CSRNP1: variants seen among roughly 807,000 people sequenced by gnomAD.
CSRNP1 encodes cysteine and serine rich nuclear protein 1.
A neutral mutation model predicts 25.0 loss-of-function variants in CSRNP1; 8 were observed. That is an observed-to-expected ratio of 0.32 (90% CI 0.19 to 0.58). The LOEUF (loss-of-function observed/expected upper bound fraction) is 0.58. Ranked by LOEUF, CSRNP1 falls within the 20% of genes least tolerant of loss-of-function variation. The probability of loss-of-function intolerance (pLI) is 0.88; values close to 1 mark genes in which losing one functional copy is unlikely to be tolerated. For missense variants in CSRNP1, 691 were observed against 773.1 expected (o/e 0.89, Z 1.26); for synonymous variants, 305 against 303.1 (o/e 1.01, Z -0.06).
In CSRNP1 at chr3:39,142,840, G is replaced by T; in HGVS notation, c.*215C>A. ...TGTGGGTGTGGGGGGCCGGGCAGCT[G>T]AAAGGGGAAGCCCCCTCCCCCCAGT... On this transcript the variant is annotated 3_prime_UTR_variant, in exon 5 of 5. Transcript: ENST00000273153. The T allele has an allele frequency of 2.1e-6, 1 of 476,314 alleles. No homozygotes were observed. The highest frequency in any genetic ancestry group is 3.6e-6 in the Non-Finnish European group (1 of 278,538). 29.5% of individuals were successfully genotyped at this position (476,314 alleles called of 1,614,324 possible).
At chr3:39,146,187 A>AT (rs1050070828) in intron 2 of CSRNP1, among the ~76,000 whole-genome samples, 63 of 152,254 alleles carry the variant, frequency 4.1e-4, no homozygotes, top group African/African-American at 1.4e-3. Context: ...TAGGGTGCTC[A>AT]TTGGAGAAAC....
At chr3:39,152,105 G>A (rs2039589357) in intron 1 of CSRNP1, 1 of 152,578 alleles carries the variant, frequency 6.6e-6, no homozygotes, top group African/African-American at 2.4e-5. Context: ...AAATAGAGTG[G>A]GGTGCTGGGA....
intron 3 of CSRNP1, 58 bp from the exon 4 acceptor site, chr3:39,144,509 T>C (rs1203260861): frequency 4.7e-6 from 7 of 1,503,724 alleles, no homozygotes; most frequent in Non-Finnish European, 6.2e-6. Context: ...GGCTTAGCCC[T>C]ACTGTCACTA....
intron 1 of CSRNP1, among the ~76,000 whole-genome samples, chr3:39,147,349 C>T (rs1276568407): frequency 1.3e-5 from 2 of 152,182 alleles, no homozygotes; most frequent in African/African-American, 4.8e-5. Context: ...CCACTCTGCA[C>T]ACAGGCAGGG....
In CSRNP1 at chr3:39,146,577, T is replaced by A. The variant is rs2039515847; in HGVS notation, c.106A>T (p.Ser36Cys). Residue 36 changes from serine to cysteine, a missense_variant, in exon 2 of 5, where the codon AGC becomes TGC. Coordinates refer to ENST00000273153, the MANE Select transcript of CSRNP1 (RefSeq NM_033027.4). ...SGCQSRSCSPSSSVSRAWDSE... is the reference protein window; with the variant it reads ...SGCQSRSCSPCSSVSRAWDSE... ...TCCCAGGCACGGGAGACAGAAGAGC[T>A]TGGGGAGCAGGAGCGAGACTGGCAC... 6.4e-7 allele frequency: 1 copy of A among 1,558,252 alleles called. No individual in the cohort carries two copies. Among genetic ancestry groups the A allele is most frequent in the South Asian group, 1.2e-5 (1 of 84,442 alleles).
chr3:39,143,380 G>C lies in CSRNP1; in HGVS notation c.1445C>G (p.Ser482Ter), dbSNP rs764039494. 1.9e-6 allele frequency: 3 copies of C among 1,613,994 alleles called. No individual in the cohort carries two copies. The African/African-American group carries it at 4.0e-5, about 22-fold the overall frequency. Residue 482 changes from serine to a stop codon, truncating the protein, a stop_gained, in exon 5 of 5, where the codon TCA becomes TGA. Transcript: ENST00000273153. LOFTEE classifies it low-confidence loss of function (END_TRUNC). ...GSREGSLPGT[S>*]VPPSMDAGRS... ...GCCAGCGTCCATGCTGGGTGGCACT[G>C]AGGTGCCAGGAAGGCTGCCTTCCCT...
Position 39,144,025 on chromosome 3 carries a change from G to T in CSRNP1, c.800C>A (p.Pro267His), listed in dbSNP as rs768039738. The change falls in exon 5 of 5, where the codon CCC becomes CAC. Residue 267 changes from proline to histidine, a missense_variant. Transcript: ENST00000273153. Reference sequence around the variant, plus strand: ...ACAGCCCTCCCTGCAGCAGCCACAGGGGAATGCTGTGTGGTCCATCTGCAG... The same window carrying T: ...ACAGCCCTCCCTGCAGCAGCCACAGTGGAATGCTGTGTGGTCCATCTGCAG... Reference protein sequence around the residue: ...IKCQMDHTAFPCGCCREGCEN... With the variant: ...IKCQMDHTAFHCGCCREGCEN... 2 of 1,612,286 alleles carry T rather than the reference G, an allele frequency of 1.2e-6. No homozygotes were observed. The highest frequency in any genetic ancestry group is 3.3e-5 in the Admixed American group (2 of 60,026).
chr3:39,149,345 AG>A (rs2039555106), intron 1 of CSRNP1: 2 of 152,328 alleles, frequency 1.3e-5, no homozygotes, highest in South Asian at 4.1e-4. Flanking sequence ...GGAGGTAGGA[AG>A]GGCTGGGGGA....
intron 3 of CSRNP1, among the ~76,000 whole-genome samples, chr3:39,144,660 T>G (rs914482305): frequency 1.3e-5 from 2 of 150,616 alleles, no homozygotes. Flanking sequence ...ATCCTACTCA[T>G]GGCATTCCCT....
rs2039472907 is a variant in CSRNP1, at chr3:39,144,341, C to A, written c.576G>T (p.Arg192=). ...EDLAVAVAGG[R]LEEVSFLQPY... ...GCTGTAGGAAGCTCACTTCTTCCAA[C>A]CGGCCACCTGCCACAGCGACTGCCA... Residue 192 remains arginine (R), a synonymous_variant, in exon 4 of 5, where the codon CGG becomes CGT. Coordinates refer to ENST00000273153, the MANE Select transcript of CSRNP1 (RefSeq NM_033027.4). 1 of 1,614,032 alleles carries A rather than the reference C, an allele frequency of 6.2e-7. No homozygotes were observed. Among genetic ancestry groups the A allele is most frequent in the Non-Finnish European group, 8.5e-7 (1 of 1,180,056 alleles).
At position 39,143,410 on chromosome 3, in the gene CSRNP1, C is replaced by A. The variant is rs770126733; in HGVS notation, c.1415G>T (p.Gly472Val). Residue 472 changes from glycine (G) to valine (V), a missense_variant, in exon 5 of 5, where the codon GGG (glycine) becomes GTG (valine). Physicochemically the swap from Gly to Val is moderately radical, Grantham distance 109. Transcript: ENST00000273153. ...ASCFLNGGLE[G>V]SREGSLPGTS... ...GCCAGGAAGGCTGCCTTCCCTTGAC[C>A]CTTCAAGGCCACCATTTAGGAAGCA... 2 of 1,614,188 alleles carry A rather than the reference C, an allele frequency of 1.2e-6. No homozygotes were observed.
chr3:39,142,665 A>T lies in CSRNP1; in HGVS notation c.*390T>A. ...TTAGCCACCCATGGGTCTAGGGCTC[A>T]GGGTGGCAGAAGCCACCTGATTTCA... On this transcript the variant is annotated 3_prime_UTR_variant, in exon 5 of 5. Transcript: ENST00000273153. 5.8e-6 allele frequency: 1 copy of T among 171,918 alleles called. No individual in the cohort carries two copies. The highest frequency in any genetic ancestry group is 1.2e-5 in the Non-Finnish European group (1 of 80,102). The allele number at this position is 171,918 out of a possible 1,614,324, so 10.6% of individuals were successfully genotyped here.
At position 39,153,500 on chromosome 3, in the gene CSRNP1, T is replaced by G; in HGVS notation, c.-103A>C. 1.0e-5 allele frequency: 3 copies of G among 291,834 alleles called. No homozygotes were observed. Among genetic ancestry groups the G allele is most frequent in the South Asian group, 7.0e-5 (3 of 43,156 alleles). 18.1% of individuals were successfully genotyped at this position (291,834 alleles called of 1,614,324 possible). A position where few individuals can be genotyped will look rare whatever the true frequency, so the allele number is the denominator to read the frequency against. ...CCGCGTCCCGGCCGGGGACGCCCCC[T>G]GCGCCGCGACTCTGTGCGCTCGGCC... On this transcript the variant is annotated 5_prime_UTR_variant, in exon 1 of 5. Coordinates refer to ENST00000273153, the MANE Select transcript of CSRNP1 (RefSeq NM_033027.4).
rs1379248858 is a variant in CSRNP1 at position 39,145,160 on chromosome 3, G to A, written c.302C>T (p.Thr101Ile). 2.5e-6 allele frequency: 4 copies of A among 1,614,142 alleles called. No homozygotes were observed. The highest frequency in any genetic ancestry group is 3.4e-6 in the Non-Finnish European group (4 of 1,180,048). Residue 101 changes from threonine (T) to isoleucine (I), a missense_variant, in exon 3 of 5, where the codon ACC (threonine) becomes ATC (isoleucine). By Grantham distance (89) the Thr-to-Ile change is moderately conservative. Coordinates refer to ENST00000273153, the MANE Select transcript of CSRNP1 (RefSeq NM_033027.4). The stretch of plus-strand genomic sequence containing the variant: ...ACAGCCACCACGGCTGGGCACACTG[G>A]TGAAGCCCTGGCAGCGGGGGAAGTA... Reference protein sequence around the residue: ...VFYFPRCQGFTSVPSRGGCTL... With the variant: ...VFYFPRCQGFISVPSRGGCTL...
At chr3:39,153,758 C>CCCTGCGGTCTCTGA (rs1413464916), upstream of CSRNP1, 2 of 151,538 alleles carry the variant, frequency 1.3e-5, no homozygotes, top group African/African-American at 4.8e-5. Flanking sequence ...CTGGGGGCCT[C>CCCTGCGGTCTCTGA]CCTGCGGACT....
chr3:39,146,922 C>A (rs1312045703), intron 1 of CSRNP1, among the ~76,000 whole-genome samples, 200 bp from the exon 2 acceptor site: 1 of 152,068 alleles, frequency 6.6e-6, no homozygotes, highest in Non-Finnish European at 1.5e-5. Context: ...CACCTCCCTC[C>A]CTCCAAACTA....
intron 1 of CSRNP1, chr3:39,149,289 GAGA>G (rs1191224680): frequency 2.0e-5 from 3 of 152,148 alleles, no homozygotes; most frequent in Non-Finnish European, 2.9e-5. Flanking sequence ...CCAGGAGAGG[GAGA>G]AGGACACCCT....
At chr3:39,149,649 G>C (rs1459910025) in intron 1 of CSRNP1, 1 of 152,150 alleles carries the variant, frequency 6.6e-6, no homozygotes, top group African/African-American at 2.4e-5. Flanking sequence ...GCTCCCCTTG[G>C]GGCATTAGGA....
In CSRNP1 at chr3:39,145,143, C is replaced by T. The variant is rs1368598720; in HGVS notation, c.319G>A (p.Gly107Ser). Residue 107 changes from glycine (G) to serine (S), a missense_variant, in exon 3 of 5, where the codon GGT becomes AGT. Physicochemically the swap from Gly to Ser is moderately conservative, Grantham distance 56. Coordinates refer to ENST00000273153, the MANE Select transcript of CSRNP1 (RefSeq NM_033027.4). ...CQGFTSVPSR[G>S]GCTLGMALRH... ...AGGGCCATACCCAGAGTACAGCCACCACGGCTGGGCACACTGGTGAAGCCC... is the reference window on the plus strand; with the variant it reads ...AGGGCCATACCCAGAGTACAGCCACTACGGCTGGGCACACTGGTGAAGCCC... The T allele has an allele frequency of 1.2e-6, 2 of 1,614,268 alleles. No individual in the cohort carries two copies. Among genetic ancestry groups the T allele is most frequent in the African/African-American group, 2.7e-5 (2 of 75,070 alleles).
Sources: allele counts gnomAD v4.1 joint callset (sites outside exome capture counted in the v4.1 genomes callset), GRCh38; gene constraint gnomAD v4.1.1; transcripts MANE v1.5; gene names NCBI Gene and HGNC (gene_info 2026-07-23, HGNC 2026-07-21).